The following CPVL variants were observed in gnomAD, a reference collection of about 807,000 sequenced individuals.
CPVL encodes carboxypeptidase vitellogenic like.
CPVL carries 51 observed loss-of-function variants against 63.7 expected under a neutral mutation model. The ratio of observed to expected loss-of-function variants is 0.80; its 90% CI spans 0.64 to 1.01. CPVL has a LOEUF of 1.01. CPVL is among the 50% of genes least tolerant of loss of function. The pLI, the probability that CPVL is intolerant of heterozygous loss-of-function variation, is 0.00. For missense variants in CPVL, 530 were observed against 573.1 expected, an observed-to-expected ratio of 0.92 and a Z score of 0.77; for synonymous variants, 195 against 206.0, an observed-to-expected ratio of 0.95 and a Z score of 0.46.
Position 29,079,272 on chromosome 7 carries a change from C to T in CPVL, c.610-6849G>A, listed in dbSNP as rs1784482131. On this transcript the variant is annotated intron_variant, in intron 7 of 12. Coordinates refer to ENST00000265394, the MANE Select transcript of CPVL (RefSeq NM_031311.5). ...GTGAATCTGAAGCAGGTCCTAGAGACAGTGCAAGTTCAAGGTGAGAGCACC... is the reference window on the plus strand; with the variant it reads ...GTGAATCTGAAGCAGGTCCTAGAGATAGTGCAAGTTCAAGGTGAGAGCACC... 2.0e-5 allele frequency among the ~76,000 whole-genome samples: 3 copies of T among 152,294 alleles called. No homozygotes were observed. The South Asian group carries it at 6.2e-4, about 32-fold the overall frequency.
At chr7:29,017,068 C>T (rs1301241099) in intron 12 of CPVL, among the ~76,000 whole-genome samples, 1 of 152,180 alleles carries the variant, frequency 6.6e-6, no homozygotes, top group Non-Finnish European at 1.5e-5. Flanking sequence ...GGAACACACA[C>T]TCCTTGTCTA....
At chr7:29,160,014 A>G (rs1189029993) in intron 5 of CPVL, among the ~76,000 whole-genome samples, 1 of 152,232 alleles carries the variant, frequency 6.6e-6, no homozygotes, top group Non-Finnish European at 1.5e-5. Flanking sequence ...CCTGTCCATC[A>G]GCACACAGTG....
Position 29,071,817 on chromosome 7 carries a change from A to C in CPVL, c.820T>G (p.Cys274Gly), listed in dbSNP as rs369462489. The change falls in exon 9 of 13, where the codon TGC (cysteine) becomes GGC (glycine). Residue 274 changes from cysteine to glycine, a missense_variant. By Grantham distance (159) the Cys-to-Gly change is radical. Coordinates refer to ENST00000265394, the MANE Select transcript of CPVL (RefSeq NM_031311.5). ...KKYFQKQCHE[C>G]IEHIRKQNWF... ...TTCTGCTTCCTGATGTGTTCTATGC[A>C]TTCATGGCACTGCTTCTGGAAGTAC... 2 of 1,609,918 alleles carry C rather than the reference A, an allele frequency of 1.2e-6. No individual in the cohort carries two copies. The highest frequency in any genetic ancestry group is 2.7e-5 in the African/African-American group (2 of 74,112).
intron 5 of CPVL, among the ~76,000 whole-genome samples, chr7:29,158,619 G>C (rs1794753135): frequency 6.6e-6 from 1 of 152,180 alleles, no homozygotes; most frequent in Non-Finnish European, 1.5e-5. Flanking sequence ...AGAGCTGACT[G>C]TATGCCTGAA....
rs544359258 is a variant in CPVL at position 29,144,418 on chromosome 7, G to A, written c.-11+2011C>T. Among the ~76,000 whole-genome samples, 30 of 152,174 alleles carry A rather than the reference G, an allele frequency of 2.0e-4. No homozygotes were observed. In the South Asian group the frequency reaches 3.9e-3, roughly 20 times the overall value. Reference sequence around the variant, plus strand: ...TCTACCAAAGATACAAAAATTAGCCGGGCATGGTGGTGTACACCTGTAATT... The same window carrying A: ...TCTACCAAAGATACAAAAATTAGCCAGGCATGGTGGTGTACACCTGTAATT... On this transcript the variant is annotated intron_variant, in intron 1 of 12. Transcript: ENST00000265394.
intron 5 of CPVL, among the ~76,000 whole-genome samples, chr7:29,173,204 G>C (rs1016279384): frequency 1.3e-5 from 2 of 151,784 alleles, no homozygotes; most frequent in African/African-American, 4.8e-5. Context: ...TAAGCTTATA[G>C]GAAAGTCAAG....
upstream of CPVL, chr7:29,147,108 G>C (rs1310068521): frequency 1.6e-5 from 17 of 1,080,892 alleles, no homozygotes; most frequent in Non-Finnish European, 2.2e-5. Flanking sequence ...AACCCATCCA[G>C]GGTCACATTG....
At chr7:29,193,662 G>A (rs1010521759) in intron 1 of CPVL, 3 of 152,162 alleles carry the variant, frequency 2.0e-5, no homozygotes, top group African/African-American at 7.2e-5. Flanking sequence ...ATTAATTTAG[G>A]TTTAAATACA....
intron 2 of CPVL, 55 bp downstream of exon 2, chr7:29,120,838 A>AAGT: frequency 7.2e-7 from 1 of 1,396,614 alleles, no homozygotes; most frequent in Non-Finnish European, 9.8e-7. Context: ...AAAAAAAAAA[A>AAGT]GAGAAACTGT....
At chr7:29,174,512 A>T (rs187779874) in intron 5 of CPVL, among the ~76,000 whole-genome samples, 6 of 152,318 alleles carry the variant, frequency 3.9e-5, no homozygotes, top group Admixed American at 1.3e-4. Flanking sequence ...GCAGGATGGA[A>T]CATGGTAGAG....
intron 1 of CPVL, among the ~76,000 whole-genome samples, chr7:29,141,874 C>T (rs1282918991): frequency 6.6e-6 from 1 of 151,744 alleles, no homozygotes; most frequent in African/African-American, 2.4e-5. Context: ...GAGATTGTGC[C>T]ACCGCACTCC....
chr7:29,062,737 G>T (rs1173171039), intron 11 of CPVL, among the ~76,000 whole-genome samples: 1 of 152,160 alleles, frequency 6.6e-6, no homozygotes, highest in Admixed American at 6.5e-5. Context: ...TATTCAGCAT[G>T]CCAGCAAATG....
chr7:29,162,818 G>A (rs925400077), intron 5 of CPVL, among the ~76,000 whole-genome samples: 3 of 152,324 alleles, frequency 2.0e-5, no homozygotes, highest in Middle Eastern at 3.4e-3. Flanking sequence ...GGGAAGAGGA[G>A]GGAGAGCCTA....
At chr7:29,168,236 C>T (rs564161093) in intron 5 of CPVL, among the ~76,000 whole-genome samples, 23 of 152,082 alleles carry the variant, frequency 1.5e-4, no homozygotes, top group African/African-American at 5.1e-4. Context: ...TTGTTTAAAC[C>T]ATCTTTCAAT....
At chr7:29,075,724 C>A (rs1415027583) in intron 7 of CPVL, among the ~76,000 whole-genome samples, 1 of 144,546 alleles carries the variant, frequency 6.9e-6, no homozygotes, top group Non-Finnish European at 1.5e-5. Flanking sequence ...CATCTGCCAA[C>A]CTCACAGTGA....
intron 1 of CPVL, among the ~76,000 whole-genome samples, chr7:29,191,207 T>C (rs1011043714): frequency 5.9e-5 from 9 of 152,174 alleles, no homozygotes; most frequent in African/African-American, 1.9e-4. Context: ...ACTGGGATTA[T>C]AGGCATGAGC....
chr7:29,065,775 G>A (rs182301137), intron 10 of CPVL, among the ~76,000 whole-genome samples: 6 of 152,008 alleles, frequency 3.9e-5, no homozygotes, highest in Middle Eastern at 3.4e-3. Flanking sequence ...GCTCTACTTG[G>A]GGGAAATCAT....
At chr7:29,075,956 G>GTTTTTTTTTTTTTT (rs1554335832) in intron 7 of CPVL, among the ~76,000 whole-genome samples, 4 of 110,336 alleles carry the variant, frequency 3.6e-5, no homozygotes, top group South Asian at 3.1e-4. Flanking sequence ...TGTTGAGATA[G>GTTTTTTTTTTTTTT]TTTTTTTTTT....
intron 1 of CPVL, among the ~76,000 whole-genome samples, chr7:29,130,952 G>T (rs1235955601): frequency 6.6e-6 from 1 of 152,172 alleles, no homozygotes; most frequent in Non-Finnish European, 1.5e-5. Context: ...ACTTTTTGGG[G>T]TAAGTGAAGC....
Sources: gnomAD v4.1 joint callset for allele counts (sites outside exome capture counted in the v4.1 genomes callset) on GRCh38, gnomAD v4.1.1 for gene constraint, MANE v1.5 for transcripts, NCBI Gene and HGNC (gene_info 2026-07-23, HGNC 2026-07-21) for gene names.